Variants in MMP16 observed in about 807,000 individuals in gnomAD.
MMP16 encodes matrix metalloproteinase-16.
In MMP16, 12 loss-of-function variants were observed where a neutral mutation model predicts 67.8. The ratio of observed to expected loss-of-function variants is 0.18; its 90% CI spans 0.11 to 0.29. The LOEUF (loss-of-function observed/expected upper bound fraction) is 0.29, where lower values mean the gene tolerates loss of function less well. Ranked by LOEUF, MMP16 falls within the 10% of genes least tolerant of loss-of-function variation. The pLI, the probability that MMP16 is intolerant of heterozygous loss-of-function variation, is 1.00. For synonymous variants in MMP16, 249 were observed against 255.9 expected (o/e 0.97, Z 0.26); for missense variants, 475 against 765.7 (o/e 0.62, Z 4.48).
intron 7 of MMP16, chr8:88,069,628 T>A: frequency 2.3e-6 from 1 of 426,594 alleles, no homozygotes; most frequent in Non-Finnish European, 4.5e-6. Context: ...TTTAGGTACT[T>A]TAATTCATTG....
intron 4 of MMP16, among the ~76,000 whole-genome samples, chr8:88,145,823 G>A (rs1423658207): frequency 6.6e-6 from 1 of 151,922 alleles, no homozygotes; most frequent in Non-Finnish European, 1.5e-5. Flanking sequence ...CCTCCTAGGG[G>A]ACAGTTAGAA....
At position 88,036,490 on chromosome 8, in the gene MMP16, T is replaced by C. The variant is rs988147804; in HGVS notation, c.*4971A>G. 6.6e-6 allele frequency: 1 copy of C among 151,922 alleles called. No homozygotes were observed. Among genetic ancestry groups the C allele is most frequent in the Admixed American group, 6.6e-5 (1 of 15,222 alleles). The allele number at this position is 151,922 out of a possible 1,614,324, so 9.4% of individuals were successfully genotyped here. On this transcript the variant is annotated 3_prime_UTR_variant, in exon 10 of 10. Coordinates refer to ENST00000286614, the MANE Select transcript of MMP16 (RefSeq NM_005941.5). ...CTATTCCTGGTTGCCGCTTTATTTATTACATAAAATTCTAATTTTTAAGAT... is the reference window on the plus strand; with the variant it reads ...CTATTCCTGGTTGCCGCTTTATTTACTACATAAAATTCTAATTTTTAAGAT...
intron 1 of MMP16, among the ~76,000 whole-genome samples, chr8:88,247,833 T>C (rs898715712): frequency 1.3e-5 from 2 of 152,030 alleles, no homozygotes; most frequent in African/African-American, 4.8e-5. Context: ...CATAACAGTG[T>C]AGGGGAATCT....
intron 1 of MMP16, among the ~76,000 whole-genome samples, chr8:88,249,616 G>T (rs1469629667): frequency 6.6e-6 from 1 of 152,090 alleles, no homozygotes; most frequent in African/African-American, 2.4e-5. Flanking sequence ...TTGTTGACAA[G>T]CCTGAGAATG....
chr8:88,212,891 A>C (rs779771059), intron 1 of MMP16, among the ~76,000 whole-genome samples: 5 of 152,196 alleles, frequency 3.3e-5, no homozygotes, highest in Non-Finnish European at 7.4e-5. Flanking sequence ...GTATGTTTAG[A>C]TAAGAAATTA....
In MMP16 at chr8:88,293,290, T is replaced by C. The variant is rs140506953; in HGVS notation, c.132+33785A>G. Among the ~76,000 whole-genome samples, 822 of 152,190 alleles carry C rather than the reference T, an allele frequency of 5.4e-3. 9 individuals are homozygous for C. The highest frequency in any genetic ancestry group is 0.019 in the African/African-American group (779 of 41,522). On this transcript the variant is annotated intron_variant, in intron 1 of 9. Transcript: ENST00000286614. ...CTCTTATTACCTATTTAGCTGAGAG[T>C]GATCTAAGTGATTACCCTTACCCCG...
intron 1 of MMP16, among the ~76,000 whole-genome samples, chr8:88,319,701 G>C (rs920064074): frequency 2.6e-5 from 4 of 152,130 alleles, no homozygotes; most frequent in African/African-American, 9.7e-5. Flanking sequence ...CACATCAGGT[G>C]CAAGCAATTT....
At chr8:88,236,057 A>G (rs1809935521) in intron 1 of MMP16, among the ~76,000 whole-genome samples, 1 of 152,258 alleles carries the variant, frequency 6.6e-6, no homozygotes, top group Admixed American at 6.5e-5. Context: ...GTAAACCACC[A>G]ACTTTTTAAG....
At chr8:88,326,646 C>G (rs938653783) in intron 1 of MMP16, among the ~76,000 whole-genome samples, 12 of 152,100 alleles carry the variant, frequency 7.9e-5, no homozygotes, top group African/African-American at 2.7e-4. Context: ...GATTTTTAAC[C>G]TCCTTTGTTA....
intron 1 of MMP16, among the ~76,000 whole-genome samples, chr8:88,321,494 C>T (rs139018280): frequency 5.3e-5 from 8 of 152,122 alleles, no homozygotes; most frequent in African/African-American, 9.7e-5. Flanking sequence ...TTTAAAATTA[C>T]GTATCATTTG....
chr8:88,086,409 A>C (rs935507885), intron 6 of MMP16, among the ~76,000 whole-genome samples: 2 of 151,878 alleles, frequency 1.3e-5, no homozygotes, highest in African/African-American at 4.9e-5. Flanking sequence ...AAACATGTAA[A>C]AGGTTTTCTT....
intron 1 of MMP16, among the ~76,000 whole-genome samples, chr8:88,255,976 C>A (rs1173726866): frequency 6.6e-6 from 1 of 152,134 alleles, no homozygotes; most frequent in Non-Finnish European, 1.5e-5. Flanking sequence ...AGAGGTCATT[C>A]TTATCTCTTC....
intron 3 of MMP16, among the ~76,000 whole-genome samples, chr8:88,176,022 C>G (rs1808884753): frequency 6.6e-6 from 1 of 152,108 alleles, no homozygotes; most frequent in African/African-American, 2.4e-5. Flanking sequence ...TATAAATTAC[C>G]CAGTCATGAG....
intron 1 of MMP16, among the ~76,000 whole-genome samples, chr8:88,220,510 C>T (rs1277923860): frequency 6.6e-6 from 1 of 151,588 alleles, no homozygotes; most frequent in African/African-American, 2.4e-5. Flanking sequence ...GAACTGTTCA[C>T]ATTCAGATTG....
intron 9 of MMP16, among the ~76,000 whole-genome samples, chr8:88,045,783 G>A (rs892014609): frequency 3.3e-5 from 5 of 152,006 alleles, no homozygotes; most frequent in African/African-American, 4.8e-5. Context: ...GCACTTGTTT[G>A]TCTTGCAAGA....
intron 4 of MMP16, among the ~76,000 whole-genome samples, chr8:88,158,738 C>T (rs1158807910): frequency 6.6e-6 from 1 of 152,120 alleles, no homozygotes; most frequent in Non-Finnish European, 1.5e-5. Flanking sequence ...GAAGTCCTTG[C>T]CCATGCCTAT....
At chr8:88,232,559 A>G (rs1234389693) in intron 1 of MMP16, among the ~76,000 whole-genome samples, 2 of 152,224 alleles carry the variant, frequency 1.3e-5, no homozygotes, top group Non-Finnish European at 2.9e-5. Flanking sequence ...GAGACTCTTC[A>G]TAGACAAACA....
intron 6 of MMP16, among the ~76,000 whole-genome samples, chr8:88,079,222 G>T (rs2118301333): frequency 6.6e-6 from 1 of 152,172 alleles, no homozygotes; most frequent in East Asian, 1.9e-4. Flanking sequence ...TGTTTCTGTG[G>T]TTTCGCTTTC....
At chr8:88,288,965 G>A (rs546132458) in intron 1 of MMP16, among the ~76,000 whole-genome samples, 1 of 152,290 alleles carries the variant, frequency 6.6e-6, no homozygotes, top group East Asian at 1.9e-4. Flanking sequence ...CAAGAAACAA[G>A]ATAATTTCAA....
Sources: allele counts gnomAD v4.1 joint callset (sites outside exome capture counted in the v4.1 genomes callset), GRCh38; gene constraint gnomAD v4.1.1; transcripts MANE v1.5; gene names NCBI Gene and HGNC (gene_info 2026-07-23, HGNC 2026-07-21).